The following CELF2 variants were observed in gnomAD, a reference collection of about 807,000 sequenced individuals.
The protein encoded by CELF2 is CUGBP Elav-like family member 2.
In CELF2, 8 loss-of-function variants were observed where a neutral mutation model predicts 62.6. The observed-to-expected ratio is 0.13, with a 90% CI of 0.07 to 0.23. CELF2 has a LOEUF of 0.23. CELF2 is among the 10% of genes least tolerant of loss of function. The pLI is 1.00. For missense variants in CELF2, 333 were observed against 671.0 expected, an observed-to-expected ratio of 0.50 and a Z score of 5.56; for synonymous variants, 258 against 250.0, an observed-to-expected ratio of 1.03 and a Z score of -0.30.
At chr10:10,643,855 C>T in the CELF2 span, among the ~76,000 whole-genome samples, 2 of 152,158 alleles carry the variant, frequency 1.3e-5, no homozygotes, top group African/African-American at 4.8e-5. Flanking sequence ...TCTTAACTCT[C>T]ATTTGCATGT....
chr10:10,679,209 T>G, the CELF2 span, among the ~76,000 whole-genome samples: 198 of 152,356 alleles, frequency 1.3e-3, 1 homozygote, highest in African/African-American at 4.3e-3. Flanking sequence ...TGAATTCATT[T>G]TAGTGACTGC....
intron 1 of CELF2, among the ~76,000 whole-genome samples, chr10:10,809,752 C>A (rs1030421721): frequency 5.3e-5 from 8 of 152,070 alleles, no homozygotes; most frequent in Non-Finnish European, 1.0e-4. Context: ...AACAATTATT[C>A]TTGAACTGAA....
intron 1 of CELF2, among the ~76,000 whole-genome samples, chr10:11,088,133 G>A (rs139977127): frequency 6.6e-6 from 1 of 152,340 alleles, no homozygotes; most frequent in East Asian, 1.9e-4. Context: ...CCACACATGA[G>A]CAAAGGTGAG....
the CELF2 span, among the ~76,000 whole-genome samples, chr10:10,714,602 A>T: frequency 1.3e-5 from 2 of 152,172 alleles, no homozygotes; most frequent in African/African-American, 2.4e-5. Context: ...AAAGAAGATT[A>T]TATATGCCCC....
rs1279406117 is a variant in CELF2 at position 11,302,658 on chromosome 10, G to A, written c.977-11481G>A. Among the ~76,000 whole-genome samples the A allele has an allele frequency of 6.6e-6, 1 of 152,222 alleles. No individual in the cohort carries two copies. The highest frequency in any genetic ancestry group is 1.5e-5 in the Non-Finnish European group (1 of 68,042). ...CTGTGATCTGGTCATTTAGGATCGAGTTGGGTGTACTTGGTGTGGCAGCTG... is the reference window on the plus strand; with the variant it reads ...CTGTGATCTGGTCATTTAGGATCGAATTGGGTGTACTTGGTGTGGCAGCTG... On this transcript the variant is annotated intron_variant, in intron 9 of 12. Transcript: ENST00000633077. The surrounding 1 kb of genome is among the most constrained non-coding windows in gnomAD (Gnocchi z 5.0).
chr10:11,206,496 C>T (rs2060465269), intron 2 of CELF2, among the ~76,000 whole-genome samples: 2 of 152,232 alleles, frequency 1.3e-5, no homozygotes, highest in East Asian at 1.9e-4. Flanking sequence ...ACACCTACCG[C>T]GTTTAACCCC....
At chr10:10,866,285 G>A (rs1276875015) in intron 1 of CELF2, among the ~76,000 whole-genome samples, 1 of 152,050 alleles carries the variant, frequency 6.6e-6, no homozygotes, top group Non-Finnish European at 1.5e-5. Flanking sequence ...CCTGGTGTAG[G>A]GAAAGGGGAG....
chr10:10,746,585 T>C, the CELF2 span, among the ~76,000 whole-genome samples: 8 of 152,294 alleles, frequency 5.3e-5, no homozygotes, highest in Non-Finnish European at 1.0e-4. Flanking sequence ...GTAAAAGAAT[T>C]CTCATTATCC....
intron 1 of CELF2, among the ~76,000 whole-genome samples, chr10:11,107,639 TTTACTC>T (rs2053864707): frequency 6.6e-6 from 1 of 151,966 alleles, no homozygotes; most frequent in South Asian, 2.1e-4. Context: ...TTTAAAGTCT[TTTACTC>T]TAATGTTTGG....
At chr10:10,794,473 A>G (rs929112863), upstream of CELF2, among the ~76,000 whole-genome samples, 5 of 152,250 alleles carry the variant, frequency 3.3e-5, no homozygotes, top group Admixed American at 6.5e-5. Flanking sequence ...AAAAATGTTT[A>G]GGATAATCAG....
At chr10:10,695,550 G>A in the CELF2 span, among the ~76,000 whole-genome samples, 1 of 150,858 alleles carries the variant, frequency 6.6e-6, no homozygotes, top group South Asian at 2.1e-4. Flanking sequence ...CTGAACGTTG[G>A]CCTGCCTTGC....
intron 2 of CELF2, chr10:10,946,567 A>G (rs117974447): frequency 0.022 from 3,354 of 152,690 alleles, 62 homozygotes; most frequent in Middle Eastern, 0.054. Context: ...TGGAAATCAA[A>G]AGGTAGGGGG....
the CELF2 span, among the ~76,000 whole-genome samples, chr10:10,499,948 TAG>T: frequency 0.49 from 74,955 of 151,818 alleles, 21,938 homozygotes; most frequent in Non-Finnish European, 0.68. Context: ...CCTAGGACAA[TAG>T]AGAGACATAC....
chr10:10,676,929 C>A, the CELF2 span, among the ~76,000 whole-genome samples: 4 of 152,168 alleles, frequency 2.6e-5, no homozygotes, highest in Admixed American at 2.6e-4. Flanking sequence ...TTAAATTAAA[C>A]CTGTCTTTAC....
intron 1 of CELF2, among the ~76,000 whole-genome samples, chr10:10,897,484 A>G (rs2062641563): frequency 6.6e-6 from 1 of 152,196 alleles, no homozygotes; most frequent in Non-Finnish European, 1.5e-5. Context: ...GGGAGTAACT[A>G]TTAAACAAAG....
At chr10:10,965,199 C>T (rs2049991370) in intron 2 of CELF2, among the ~76,000 whole-genome samples, 1 of 151,848 alleles carries the variant, frequency 6.6e-6, no homozygotes, top group African/African-American at 2.4e-5. Context: ...TGAATATAGC[C>T]CTCTCTCTTG....
intron 1 of CELF2, among the ~76,000 whole-genome samples, chr10:11,124,354 T>A (rs2058312202): frequency 6.6e-6 from 1 of 152,188 alleles, no homozygotes; most frequent in Non-Finnish European, 1.5e-5. Flanking sequence ...GGGTTCCACC[T>A]GTTCATGAGC....
chr10:11,117,737 C>A lies in CELF2; in HGVS notation c.75-47749C>A, dbSNP rs981058586. On this transcript the variant is annotated intron_variant, in intron 1 of 12. Transcript: ENST00000633077. The surrounding 1 kb of genome is among the most constrained non-coding windows in gnomAD (Gnocchi z 4.1). ...ATGTGTGACTCTCCAGAGAGGGTAC[C>A]CTTGAGTGGCTCTTCCACTGACCCC... is the stretch of plus-strand genomic sequence containing the variant. 2.0e-5 allele frequency among the ~76,000 whole-genome samples: 3 copies of A among 152,088 alleles called. No individual in the cohort carries two copies. The highest frequency in any genetic ancestry group is 4.4e-5 in the Non-Finnish European group (3 of 68,016).
At chr10:10,740,313 A>G in the CELF2 span, among the ~76,000 whole-genome samples, 2 of 151,934 alleles carry the variant, frequency 1.3e-5, no homozygotes, top group Non-Finnish European at 2.9e-5. Flanking sequence ...GTATAAGATA[A>G]AGGTCCAGTT....
Sources: allele counts gnomAD v4.1 joint callset (sites outside exome capture counted in the v4.1 genomes callset), GRCh38; gene constraint gnomAD v4.1.1; non-coding constraint Gnocchi (gnomAD v3.1); transcripts MANE v1.5; gene names NCBI Gene and HGNC (gene_info 2026-07-23, HGNC 2026-07-21).